Variants in RIMS3 observed in about 807,000 individuals in gnomAD.
RIMS3 encodes regulating synaptic membrane exocytosis protein 3.
A neutral mutation model predicts 29.2 loss-of-function variants in RIMS3; 15 were observed. The observed-to-expected ratio is 0.51, with a 90% confidence interval of 0.34 to 0.79. The LOEUF (loss-of-function observed/expected upper bound fraction) is 0.79. RIMS3 is among the 30% of genes least tolerant of loss of function. The pLI, the probability that RIMS3 is intolerant of heterozygous loss-of-function variation, is 0.01. For missense variants in RIMS3, 342 were observed against 421.4 expected (o/e 0.81, Z 1.65); for synonymous variants, 161 against 170.1 (o/e 0.95, Z 0.41).
intron 1 of RIMS3, among the ~76,000 whole-genome samples, chr1:40,648,528 C>T (rs1025361873): frequency 3.3e-5 from 5 of 152,268 alleles, no homozygotes; most frequent in East Asian, 3.8e-4. Context: ...AAAGTGGGGA[C>T]GATAATGCCT....
chr1:40,680,380 G>A, the RIMS3 span, among the ~76,000 whole-genome samples: 3 of 145,500 alleles, frequency 2.1e-5, no homozygotes, highest in East Asian at 6.0e-4. Context: ...CGCCCAGGCT[G>A]GAGTGTGGTA....
At chr1:40,688,799 T>A in the RIMS3 span, among the ~76,000 whole-genome samples, 1 of 152,226 alleles carries the variant, frequency 6.6e-6, no homozygotes, top group Non-Finnish European at 1.5e-5. Context: ...GACTGCCTTG[T>A]TTTGGGCTGC....
Position 40,635,841 on chromosome 1 carries a change from C to G in RIMS3, c.359+75G>C. 1 of 1,569,884 alleles carries G rather than the reference C, an allele frequency of 6.4e-7. No individual in the cohort carries two copies. Among genetic ancestry groups the G allele is most frequent in the Non-Finnish European group, 8.7e-7 (1 of 1,153,348 alleles). ...GCTGGAAACAAAACAGGGAGGCTTT[C>G]CCACCCTGCCCAGTGGCTCTGTGAC... On this transcript the variant is annotated intron_variant, in intron 4 of 7. Transcript: ENST00000372684. The surrounding 1 kb of genome is among the most constrained non-coding windows in gnomAD (Gnocchi z 4.1).
Position 40,629,331 on chromosome 1 carries a change from C to A in RIMS3, c.514G>T (p.Glu172Ter). The A allele has an allele frequency of 6.2e-7, 1 of 1,614,208 alleles. No individual in the cohort carries two copies. Among genetic ancestry groups the A allele is most frequent in the Non-Finnish European group, 8.5e-7 (1 of 1,180,030 alleles). The part of the protein sequence containing the change: ...IAIMDRSGQL[E>*]VEVIEARGLT... ...CCCCGAGCTTCAATCACTTCCACCTCCAGCTGGCCACTCCGGTCCATGATG... is the reference window on the plus strand; with the variant it reads ...CCCCGAGCTTCAATCACTTCCACCTACAGCTGGCCACTCCGGTCCATGATG... Residue 172 changes from glutamate (E) to a stop codon, truncating the protein, a stop_gained, in exon 6 of 8, where the codon GAG (glutamate) becomes TAG (stop). Transcript: ENST00000372684. LOFTEE classifies it high-confidence loss of function.
intron 7 of RIMS3, 105 bp downstream of exon 7, chr1:40,628,705 C>T (rs1487878153): frequency 9.6e-6 from 14 of 1,454,788 alleles, no homozygotes; most frequent in South Asian, 2.3e-5. Flanking sequence ...CAAATTAATG[C>T]ACCTACCACA....
chr1:40,643,324 G>T (rs543294170), intron 2 of RIMS3, among the ~76,000 whole-genome samples: 1 of 151,966 alleles, frequency 6.6e-6, no homozygotes, highest in South Asian at 2.1e-4. Context: ...GTAGAGATGG[G>T]GTTTCACCAT....
In RIMS3 at chr1:40,635,334, C is replaced by T; in HGVS notation, c.359+582G>A. Among the ~76,000 whole-genome samples, 1 of 152,210 alleles carries T rather than the reference C, an allele frequency of 6.6e-6. No individual in the cohort carries two copies. The highest frequency in any genetic ancestry group is 1.5e-5 in the Non-Finnish European group (1 of 68,040). ...TCATGACCCAGGACAGACCTGTGTG[C>T]ATCTATACATAAAAAATGGAAACAA... On this transcript the variant is annotated intron_variant, in intron 4 of 7. Transcript: ENST00000372684. This position sits in a 1 kb window ranked among gnomAD's most constrained non-coding sequence, Gnocchi z 4.1.
In RIMS3 at chr1:40,658,475, G is replaced by A. The variant is rs114075292; in HGVS notation, c.-207+6919C>T. Among the ~76,000 whole-genome samples the A allele has an allele frequency of 8.9e-3, 1,352 of 152,312 alleles. 22 individuals carry two copies. The highest frequency in any genetic ancestry group is 0.031 in the African/African-American group (1,300 of 41,564). On this transcript the variant is annotated intron_variant, in intron 1 of 7. Coordinates refer to ENST00000372684, the MANE Select transcript of RIMS3 (RefSeq NM_014747.3). ...CCAGGAGATGTGTTTGGAAGCTAAC[G>A]AAGATCCCCCTTCTCTGAGCGGGGC... is the stretch of plus-strand genomic sequence containing the variant.
intron 1 of RIMS3, among the ~76,000 whole-genome samples, chr1:40,656,951 C>T (rs999157822): frequency 6.6e-6 from 1 of 152,232 alleles, no homozygotes; most frequent in Non-Finnish European, 1.5e-5. Context: ...TATTGGGAAG[C>T]TCTAGGCTTG....
At chr1:40,646,681 A>G (rs1646597966) in intron 2 of RIMS3, among the ~76,000 whole-genome samples, 2 of 152,122 alleles carry the variant, frequency 1.3e-5, no homozygotes, top group African/African-American at 4.8e-5. Flanking sequence ...ACTCCATGCC[A>G]AAAGAGACCT....
At chr1:40,656,545 A>G (rs955863937) in intron 1 of RIMS3, among the ~76,000 whole-genome samples, 2 of 152,180 alleles carry the variant, frequency 1.3e-5, no homozygotes, top group Non-Finnish European at 2.9e-5. Flanking sequence ...GCACTTTGGG[A>G]GGCCAAGGCA....
chr1:40,646,574 T>G (rs1646597274), intron 2 of RIMS3, among the ~76,000 whole-genome samples: 1 of 152,200 alleles, frequency 6.6e-6, no homozygotes, highest in Admixed American at 6.5e-5. Context: ...GACCTCACTC[T>G]GAAGTTCTTC....
the RIMS3 span, among the ~76,000 whole-genome samples, chr1:40,676,859 C>G: frequency 2.6e-5 from 4 of 152,282 alleles, no homozygotes; most frequent in African/African-American, 9.6e-5. Context: ...AAAACTCAGG[C>G]AGGATGGACA....
At chr1:40,689,050 T>C in the RIMS3 span, among the ~76,000 whole-genome samples, 1 of 152,194 alleles carries the variant, frequency 6.6e-6, no homozygotes, top group Admixed American at 6.5e-5. Context: ...TAGCATGTTA[T>C]GCTGCAGTAA....
At chr1:40,670,574 T>TTTTATATATATATATATATA (rs1453530876), upstream of RIMS3, among the ~76,000 whole-genome samples, 2 of 71,190 alleles carry the variant, frequency 2.8e-5, no homozygotes, top group African/African-American at 6.9e-5. Flanking sequence ...AGTTATAATT[T>TTTTATATATATATATATATA]TATATATATA....
the RIMS3 span, among the ~76,000 whole-genome samples, chr1:40,679,313 A>G: frequency 6.6e-6 from 1 of 152,084 alleles, no homozygotes; most frequent in Non-Finnish European, 1.5e-5. Flanking sequence ...CAGGCACACA[A>G]TTTCCCACCT....
At chr1:40,674,682 TTC>T in the RIMS3 span, among the ~76,000 whole-genome samples, 2 of 152,096 alleles carry the variant, frequency 1.3e-5, no homozygotes, top group East Asian at 1.9e-4. Context: ...CCATTTCTTC[TTC>T]TCTCTCTCTT....
intron 5 of RIMS3, 69 bp downstream of exon 5, chr1:40,633,000 C>A: frequency 8.2e-7 from 1 of 1,213,328 alleles, no homozygotes; most frequent in Non-Finnish European, 1.2e-6. Flanking sequence ...TGCAGGGCCC[C>A]CACTGAGCTC....
the RIMS3 span, among the ~76,000 whole-genome samples, chr1:40,678,463 A>G: frequency 6.6e-6 from 1 of 151,904 alleles, no homozygotes; most frequent in African/African-American, 2.4e-5. Flanking sequence ...CCCTCCCTAA[A>G]CTCTACTCTG....
Sources: allele counts gnomAD v4.1 joint callset (sites outside exome capture counted in the v4.1 genomes callset), GRCh38; gene constraint gnomAD v4.1.1; non-coding constraint Gnocchi (gnomAD v3.1); transcripts MANE v1.5; gene names NCBI Gene and HGNC (gene_info 2026-07-23, HGNC 2026-07-21).